SUV39H1: variants seen among roughly 807,000 people sequenced by gnomAD.
SUV39H1 encodes the protein SUV39H1 histone lysine methyltransferase.
For synonymous variants in SUV39H1, 141 were observed against 150.5 expected (o/e 0.94, Z 0.46); for missense variants, 180 against 386.3 (o/e 0.47, Z 4.48).
intron 3 of SUV39H1, among the ~76,000 whole-genome samples, chrX:48,705,832 G>C (rs113277657): frequency 0.04 from 4,416 of 111,772 alleles, 95 homozygotes; most frequent in Non-Finnish European, 0.058. Context: ...ATGGGCTCAG[G>C]CTCCCTTGCC....
intron 3 of SUV39H1, among the ~76,000 whole-genome samples, chrX:48,702,219 G>A (rs1380836364): frequency 8.0e-5 from 9 of 112,422 alleles, no homozygotes; most frequent in Admixed American, 1.9e-4. Context: ...TCCTGACAGT[G>A]GGCGGGGGAA....
At chrX:48,701,383 G>C in intron 3 of SUV39H1, among the ~76,000 whole-genome samples, 1 of 111,999 alleles carries the variant, frequency 8.9e-6, no homozygotes, top group Non-Finnish European at 1.9e-5. Context: ...GTTTGAGTGG[G>C]TATCCTTTCA....
intron 3 of SUV39H1, 109 bp from the exon 4 acceptor site, chrX:48,706,156 T>A (rs1602188152): frequency 2.0e-6 from 2 of 1,007,949 alleles, no homozygotes; most frequent in East Asian, 6.2e-5. Flanking sequence ...CCCATGTGTG[T>A]CCACGGGCAG....
chrX:48,696,637 G>A (rs1051922063), upstream of SUV39H1: 54 of 764,688 alleles, frequency 7.1e-5, no homozygotes, highest in South Asian at 1.5e-3. Flanking sequence ...GCGGCAGGGA[G>A]GGGTTCGGTC....
chrX:48,697,111 C>T (rs1557008796), intron 1 of SUV39H1, among the ~76,000 whole-genome samples: 1 of 110,525 alleles, frequency 9.0e-6, no homozygotes, highest in African/African-American at 3.3e-5. Flanking sequence ...GAGGCCGCGC[C>T]CGCGCGCGGG....
chrX:48,707,691 T>C lies in SUV39H1; in HGVS notation c.*121T>C, dbSNP rs781890580. The C allele has an allele frequency of 1.1e-6, 1 of 870,589 alleles. No homozygotes were observed. The allele number at this position is 870,589 out of a possible 1,213,427, so 71.7% of individuals were successfully genotyped here. ...TCGCCTGCCTCCACCTGCCCCCACC[T>C]GCTCCTACCTGCTCTACGTTCAGGG... On this transcript the variant is annotated 3_prime_UTR_variant, in exon 6 of 6. Coordinates refer to ENST00000376687, the MANE Select transcript of SUV39H1 (RefSeq NM_003173.4).
chrX:48,695,998 A>G, upstream of SUV39H1: 1 of 944,453 alleles, frequency 1.1e-6, no homozygotes, highest in South Asian at 2.2e-5. Flanking sequence ...ACCAACTGAT[A>G]GTGCCCGACA....
At chrX:48,696,674 T>C, upstream of SUV39H1, 2 of 1,026,245 alleles carry the variant, frequency 1.9e-6, no homozygotes, top group South Asian at 2.2e-5. Context: ...TCCGCGCGGG[T>C]GCTGCGAGTC....
chrX:48,707,629 C>T lies in SUV39H1; in HGVS notation c.*59C>T, dbSNP rs956418949. 157 of 1,179,149 alleles carry T rather than the reference C, an allele frequency of 1.3e-4. 1 individual carries two copies. Among genetic ancestry groups the T allele is most frequent in the Non-Finnish European group, 1.7e-4 (151 of 870,476 alleles). On this transcript the variant is annotated 3_prime_UTR_variant, in exon 6 of 6. Transcript: ENST00000376687. The stretch of plus-strand genomic sequence containing the variant: ...GGCCTGAAGCTACATGCACCTCCCC[C>T]ACTGCTGCCCTCCTGTCGAGAATGA...
Position 48,696,737 on chromosome X carries a change from C to T in SUV39H1, c.-48C>T, listed in dbSNP as rs1557008643. ...TCCCGGCCACGCCCGCGCGAGCGCT[C>T]TTCTCGCGAGGCCGGCTAGGCCCGA... is the stretch of plus-strand genomic sequence containing the variant. On this transcript the variant is annotated 5_prime_UTR_variant, in exon 1 of 6. Coordinates refer to ENST00000376687, the MANE Select transcript of SUV39H1 (RefSeq NM_003173.4). 7 of 1,132,207 alleles carry T rather than the reference C, an allele frequency of 6.2e-6. No homozygotes were observed. The highest frequency in any genetic ancestry group is 1.2e-6 in the Non-Finnish European group (1 of 855,930). The allele number at this position is 1,132,207 out of a possible 1,213,427, so 93.3% of individuals were successfully genotyped here. A position where few individuals can be genotyped will look rare whatever the true frequency, so the allele number is the denominator to read the frequency against.
chrX:48,695,973 G>A, upstream of SUV39H1: 4 of 1,071,542 alleles, frequency 3.7e-6, no homozygotes, highest in Non-Finnish European at 5.0e-6. Context: ...GAAGTAATCT[G>A]AGGGAAAGAC....
chrX:48,704,271 A>G (rs1324384717), intron 3 of SUV39H1, among the ~76,000 whole-genome samples: 1 of 111,938 alleles, frequency 8.9e-6, no homozygotes, highest in Non-Finnish European at 1.9e-5. Context: ...GGCCTGCAGT[A>G]TGACTCACTC....
chrX:48,695,823 G>A (rs782793692), upstream of SUV39H1: 92 of 1,156,106 alleles, frequency 8.0e-5, no homozygotes, highest in South Asian at 1.7e-3. Flanking sequence ...TTGACCAATG[G>A]TGGGGATGAG....
At chrX:48,696,551 G>A (rs2062455880), upstream of SUV39H1, 2 of 328,709 alleles carry the variant, frequency 6.1e-6, no homozygotes, top group East Asian at 6.3e-5. Context: ...TACCGCCGCT[G>A]TCGCTCCCGC....
chrX:48,696,096 A>C (rs1191118364), upstream of SUV39H1, among the ~76,000 whole-genome samples: 2 of 113,033 alleles, frequency 1.8e-5, no homozygotes, highest in African/African-American at 6.4e-5. Flanking sequence ...AGTCTATGAG[A>C]GGATTTAGCC....
chrX:48,699,746 C>T (rs1363978307), intron 2 of SUV39H1, among the ~76,000 whole-genome samples: 1 of 111,045 alleles, frequency 9.0e-6, no homozygotes, highest in Non-Finnish European at 1.9e-5. Flanking sequence ...GGGTGGGTGT[C>T]GGAAGTGTGA....
intron 1 of SUV39H1, among the ~76,000 whole-genome samples, chrX:48,697,795 A>G (rs782198989): frequency 2.7e-5 from 3 of 112,566 alleles, no homozygotes; most frequent in Non-Finnish European, 3.8e-5. Flanking sequence ...ATGATTTGAT[A>G]AAATGGCTTC....
At chrX:48,699,651 A>G (rs1423546199) in intron 2 of SUV39H1, among the ~76,000 whole-genome samples, 1 of 112,248 alleles carries the variant, frequency 8.9e-6, no homozygotes, top group Admixed American at 9.4e-5. Flanking sequence ...AGGACTTGTC[A>G]GGGTCCAGGT....
Position 48,706,357 on chromosome X carries a change from G to A in SUV39H1, c.921G>A (p.Val307=). 1 of 1,211,972 alleles carries A rather than the reference G, an allele frequency of 8.3e-7. No homozygotes were observed. The change falls in exon 4 of 6, where the codon GTG becomes GTA. Residue 307 remains valine, a synonymous_variant. Transcript: ENST00000376687. ...TTGACCTGGACTACGTGGAGGACGTGTACACCGTGGATGCCGCCTACTATG... is the reference window on the plus strand; with the variant it reads ...TTGACCTGGACTACGTGGAGGACGTATACACCGTGGATGCCGCCTACTATG... ...YLFDLDYVED[V]YTVDAAYYGN... is the part of the protein sequence containing the mutation.
Sources: allele counts gnomAD v4.1 joint callset (sites outside exome capture counted in the v4.1 genomes callset), GRCh38; gene constraint gnomAD v4.1.1; transcripts MANE v1.5; gene names NCBI Gene and HGNC (gene_info 2026-07-23, HGNC 2026-07-21).